The following NT5C2 variants were observed in gnomAD, a reference collection of about 807,000 sequenced individuals.
NT5C2 encodes the protein 5'-nucleotidase, cytosolic II, also known as cytosolic purine 5'-nucleotidase.
NT5C2 carries 58 observed loss-of-function variants against 76.1 expected under a neutral mutation model. That is an observed-to-expected ratio of 0.76 (90% CI 0.62 to 0.95). NT5C2 has a LOEUF of 0.95. Ranked by LOEUF, NT5C2 falls within the 40% of genes least tolerant of loss-of-function variation. NT5C2 has a pLI of 0.00. For synonymous variants in NT5C2, 229 were observed against 237.4 expected, an observed-to-expected ratio of 0.96 and a Z score of 0.32; for missense variants, 478 against 690.3, an observed-to-expected ratio of 0.69 and a Z score of 3.45.
intron 3 of NT5C2, among the ~76,000 whole-genome samples, chr10:103,173,052 T>C (rs2088661507): frequency 6.6e-6 from 1 of 152,076 alleles, no homozygotes; most frequent in Non-Finnish European, 1.5e-5. Context: ...TCTCATCATA[T>C]TGCCCAGGCT....
In NT5C2 at chr10:103,169,991, G is replaced by A. The variant is rs117062978; in HGVS notation, c.101+4867C>T. On this transcript the variant is annotated intron_variant, in intron 3 of 18. Transcript: ENST00000404739. ...ACAAAAATTACTTGGGCATGGTGGC[G>A]CATGCCTATAATCACAGCTACTCCA... 4.8e-3 allele frequency among the ~76,000 whole-genome samples: 734 copies of A among 152,150 alleles called. 20 individuals carry two copies. The East Asian group carries it at 0.073, about 15-fold the overall frequency.
At chr10:103,141,469 C>T (rs944404783) in intron 3 of NT5C2, among the ~76,000 whole-genome samples, 3 of 151,924 alleles carry the variant, frequency 2.0e-5, no homozygotes, top group African/African-American at 7.3e-5. Flanking sequence ...AAAAAAATAA[C>T]AAATAAATTA....
At chr10:103,091,126 C>T in intron 16 of NT5C2, 130 bp from the exon 17 acceptor site, 1 of 756,568 alleles carries the variant, frequency 1.3e-6, no homozygotes, top group Non-Finnish European at 2.2e-6. Context: ...CCTCTGCCTC[C>T]CAGCTTCAAG....
chr10:103,150,174 A>C (rs1428811089), intron 3 of NT5C2, among the ~76,000 whole-genome samples: 1 of 152,214 alleles, frequency 6.6e-6, no homozygotes, highest in Non-Finnish European at 1.5e-5. Context: ...AAGATGTAGA[A>C]TATTTTCTTC....
chr10:103,190,878 C>T (rs1035969352), intron 1 of NT5C2, among the ~76,000 whole-genome samples: 3 of 152,144 alleles, frequency 2.0e-5, no homozygotes, highest in African/African-American at 7.2e-5. Flanking sequence ...AGAGCATCTA[C>T]TAATGAAGAT....
At chr10:103,149,779 G>C (rs1171284518) in intron 3 of NT5C2, among the ~76,000 whole-genome samples, 1 of 150,606 alleles carries the variant, frequency 6.6e-6, no homozygotes, top group Non-Finnish European at 1.5e-5. Flanking sequence ...TGGAAGAAAG[G>C]TCAAAACCCA....
chr10:103,187,287 T>C (rs1191276569), intron 1 of NT5C2, among the ~76,000 whole-genome samples: 1 of 151,988 alleles, frequency 6.6e-6, no homozygotes, highest in Non-Finnish European at 1.5e-5. Context: ...GGCTCACATC[T>C]GTAATCCCAG....
At chr10:103,098,010 A>G in intron 10 of NT5C2, 3 of 524,284 alleles carry the variant, frequency 5.7e-6, no homozygotes, top group Non-Finnish European at 1.2e-5. Context: ...GGTGGGTGAA[A>G]ATAGGAAGCA....
chr10:103,143,161 A>G (rs558614444), intron 3 of NT5C2, among the ~76,000 whole-genome samples: 3 of 152,294 alleles, frequency 2.0e-5, no homozygotes, highest in African/African-American at 7.2e-5. Context: ...TCTTCATTTC[A>G]TAAGTAACTG....
chr10:103,159,004 T>C (rs918879183), intron 3 of NT5C2, among the ~76,000 whole-genome samples: 2 of 152,172 alleles, frequency 1.3e-5, no homozygotes, highest in African/African-American at 2.4e-5. Context: ...ATTACCAACA[T>C]TGACTCAAAA....
intron 1 of NT5C2, among the ~76,000 whole-genome samples, chr10:103,186,158 G>C (rs1206859763): frequency 6.6e-6 from 1 of 152,160 alleles, no homozygotes; most frequent in Non-Finnish European, 1.5e-5. Flanking sequence ...CACTGCCTGC[G>C]TTCAAAACCT....
intron 1 of NT5C2, among the ~76,000 whole-genome samples, chr10:103,185,856 A>C (rs1054718216): frequency 5.9e-5 from 9 of 152,274 alleles, no homozygotes; most frequent in African/African-American, 2.2e-4. Flanking sequence ...TTAATATATA[A>C]ATTCATACTT....
intron 3 of NT5C2, among the ~76,000 whole-genome samples, chr10:103,148,643 T>C (rs1258575033): frequency 1.3e-5 from 2 of 151,042 alleles, no homozygotes; most frequent in Admixed American, 6.6e-5. Context: ...GCATTAAAAA[T>C]CTGAACAGTG....
Position 103,093,890 on chromosome 10 carries a change from T to C in NT5C2, c.988+82A>G. ...ATCTTAGACTACTAAACAGTATATG[T>C]GGCACTTTGCTGAGAGATTACCAAA... On this transcript the variant is annotated intron_variant, in intron 14 of 18. Coordinates refer to ENST00000404739, the MANE Select transcript of NT5C2 (RefSeq NM_001351169.2). 4 of 1,033,468 alleles carry C rather than the reference T, an allele frequency of 3.9e-6. No homozygotes were observed. The South Asian group carries it at 5.1e-5, about 13-fold the overall frequency. 64.0% of individuals were successfully genotyped at this position (1,033,468 alleles called of 1,614,324 possible).
intron 1 of NT5C2, among the ~76,000 whole-genome samples, chr10:103,185,585 T>A (rs770844929): frequency 6.7e-6 from 1 of 149,104 alleles, no homozygotes; most frequent in Non-Finnish European, 1.5e-5. Context: ...AAGGCAGAGA[T>A]TGCGTGAGCC....
chr10:103,129,525 G>T (rs1403365779), intron 4 of NT5C2, among the ~76,000 whole-genome samples: 2 of 115,674 alleles, frequency 1.7e-5, no homozygotes, highest in Admixed American at 1.6e-4. Context: ...GGAGGGAGGT[G>T]GGGGGGTCAG....
intron 4 of NT5C2, among the ~76,000 whole-genome samples, chr10:103,128,920 ATCT>A (rs1456972950): frequency 2.4e-5 from 2 of 83,800 alleles, no homozygotes; most frequent in African/African-American, 9.0e-5. Context: ...CAGCCACCCC[ATCT>A]GGGAAGTGAG....
intron 16 of NT5C2, among the ~76,000 whole-genome samples, chr10:103,091,235 T>C (rs1338126454): frequency 6.6e-6 from 1 of 152,160 alleles, no homozygotes; most frequent in Non-Finnish European, 1.5e-5. Flanking sequence ...GGGGTTTCGT[T>C]TGCCATGTTG....
chr10:103,109,132 A>G lies in NT5C2; in HGVS notation c.176-2426T>C, dbSNP rs570555719. Among the ~76,000 whole-genome samples, 3 of 152,256 alleles carry G rather than the reference A, an allele frequency of 2.0e-5. No individual in the cohort carries two copies. In the South Asian group the frequency reaches 6.2e-4, roughly 32 times the overall value. On this transcript the variant is annotated intron_variant, in intron 4 of 18. Coordinates refer to ENST00000404739, the MANE Select transcript of NT5C2 (RefSeq NM_001351169.2). ...CCCAAAGTGCTGCTATTACAGGCTG[A>G]GCCACCATGCCCAGCCATGGCTAAC...
Sources: gnomAD v4.1 joint callset for allele counts (sites outside exome capture counted in the v4.1 genomes callset) on GRCh38, gnomAD v4.1.1 for gene constraint, MANE v1.5 for transcripts, NCBI Gene and HGNC (gene_info 2026-07-23, HGNC 2026-07-21) for gene names.